ADAMTS3: variants seen among roughly 807,000 people sequenced by gnomAD.
ADAMTS3 encodes ADAM metallopeptidase with thrombospondin type 1 motif 3, also known as A disintegrin and metalloproteinase with thrombospondin motifs 3.
A neutral mutation model predicts 129.0 loss-of-function variants in ADAMTS3; 73 were observed. That is an observed-to-expected ratio of 0.57 (90% confidence interval 0.47 to 0.69). ADAMTS3 has a LOEUF of 0.69. Among genes scored for constraint, ADAMTS3 ranks in the 30% least tolerant of loss-of-function variants. The probability of loss-of-function intolerance (pLI) is 0.00; values close to 1 mark genes in which losing one functional copy is unlikely to be tolerated. For synonymous variants in ADAMTS3, 477 were observed against 510.8 expected (o/e 0.93, Z 0.89); for missense variants, 1,457 against 1,514.5 (o/e 0.96, Z 0.63).
intron 4 of ADAMTS3, among the ~76,000 whole-genome samples, chr4:72,413,709 T>C (rs1279910117): frequency 6.6e-6 from 1 of 151,952 alleles, no homozygotes; most frequent in African/African-American, 2.4e-5. Flanking sequence ...TCAGAGAGGT[T>C]AAGTACTAAT....
intron 3 of ADAMTS3, among the ~76,000 whole-genome samples, chr4:72,548,201 T>C (rs1011151256): frequency 4.6e-5 from 7 of 151,960 alleles, no homozygotes; most frequent in Non-Finnish European, 8.8e-5. Context: ...TCCAATGTAA[T>C]ACAAGGAAAA....
chr4:72,560,007 T>A (rs1436492722), intron 2 of ADAMTS3, among the ~76,000 whole-genome samples: 1 of 151,398 alleles, frequency 6.6e-6, no homozygotes, highest in Admixed American at 6.6e-5. Flanking sequence ...CACAGGCCAG[T>A]GGAACAGAAC....
intron 4 of ADAMTS3, among the ~76,000 whole-genome samples, chr4:72,390,242 G>C (rs1015149187): frequency 1.3e-5 from 2 of 152,102 alleles, no homozygotes; most frequent in Admixed American, 6.5e-5. Context: ...CATTACAAAA[G>C]ATTAACCATA....
At chr4:72,372,827 G>A (rs114822153) in intron 4 of ADAMTS3, among the ~76,000 whole-genome samples, 3,317 of 152,078 alleles carry the variant, frequency 0.022, 63 homozygotes, top group Non-Finnish European at 0.033. Flanking sequence ...ATAAATGGAA[G>A]GACACATAGT....
chr4:72,288,500 G>A lies in ADAMTS3; in HGVS notation c.3049+251C>T, dbSNP rs188371894. Among the ~76,000 whole-genome samples the A allele has an allele frequency of 4.7e-4, 72 of 152,258 alleles. No homozygotes were observed. In the East Asian group the frequency reaches 0.014, roughly 29 times the overall value. On this transcript the variant is annotated intron_variant, in intron 21 of 21. Transcript: ENST00000286657. The stretch of plus-strand genomic sequence containing the variant: ...AAATTGATAGACGTTACATATACAT[G>A]GCACAGCCCTCACTCCAATGCCACC...
At chr4:72,412,087 G>T (rs1367887170) in intron 4 of ADAMTS3, among the ~76,000 whole-genome samples, 1 of 152,076 alleles carries the variant, frequency 6.6e-6, no homozygotes, top group Non-Finnish European at 1.5e-5. Context: ...TATTACATGG[G>T]CCTTACTGAT....
At chr4:72,514,586 C>T (rs999677078) in intron 3 of ADAMTS3, among the ~76,000 whole-genome samples, 2 of 152,114 alleles carry the variant, frequency 1.3e-5, no homozygotes, top group African/African-American at 2.4e-5. Flanking sequence ...AGCTTTGCCA[C>T]GTACCTGCCT....
At chr4:72,424,159 A>G (rs1722515010) in intron 3 of ADAMTS3, among the ~76,000 whole-genome samples, 1 of 152,140 alleles carries the variant, frequency 6.6e-6, no homozygotes, top group Non-Finnish European at 1.5e-5. Context: ...TCATTCAATA[A>G]TAACCCTTCC....
intron 1 of ADAMTS3, 34 bp downstream of exon 1, chr4:72,568,660 G>A (rs547382922): frequency 6.9e-7 from 1 of 1,439,044 alleles, no homozygotes; most frequent in Non-Finnish European, 9.2e-7. Context: ...GGTTGGGTTT[G>A]AGTTTTTTTT....
Position 72,295,550 on chromosome 4 carries a change from C to G in ADAMTS3, c.2723+104G>C. The G allele has an allele frequency of 3.3e-6, 4 of 1,218,734 alleles. No individual in the cohort carries two copies. In the South Asian group the frequency reaches 6.7e-5, roughly 20 times the overall value. 75.5% of individuals were successfully genotyped at this position (1,218,734 alleles called of 1,614,324 possible). On this transcript the variant is annotated intron_variant, in intron 19 of 21. Coordinates refer to ENST00000286657, the MANE Select transcript of ADAMTS3 (RefSeq NM_014243.3). ...AGTGACTTGACTATTTAAACCATGT[C>G]TATATAGAGCTTTGACTGAAAATAA...
In ADAMTS3 at chr4:72,372,678, T is replaced by C. The variant is rs1050766654; in HGVS notation, c.662-32985A>G. On this transcript the variant is annotated intron_variant, in intron 4 of 21. Coordinates refer to ENST00000286657, the MANE Select transcript of ADAMTS3 (RefSeq NM_014243.3). ...AAATTTGCTTTTTATATGCTAGATA[T>C]AGAATTTTTTAAAAAAATATAATTC... Among the ~76,000 whole-genome samples, 8 of 152,004 alleles carry C rather than the reference T, an allele frequency of 5.3e-5. No homozygotes were observed. The South Asian group carries it at 6.2e-4, about 12-fold the overall frequency.
At position 72,322,209 on chromosome 4, in the gene ADAMTS3, C is replaced by T. The variant is rs939443256; in HGVS notation, c.945+805G>A. On this transcript the variant is annotated intron_variant, in intron 6 of 21. Coordinates refer to ENST00000286657, the MANE Select transcript of ADAMTS3 (RefSeq NM_014243.3). ...CAATATAAAATAGATTGATGACACT[C>T]TATCATTATAAAATGATAAGTGGAT... Among the ~76,000 whole-genome samples the T allele has an allele frequency of 3.3e-5, 5 of 152,214 alleles. No homozygotes were observed. The South Asian group carries it at 1.0e-3, about 32-fold the overall frequency.
intron 3 of ADAMTS3, among the ~76,000 whole-genome samples, chr4:72,516,001 A>G (rs1346715145): frequency 6.6e-6 from 1 of 152,086 alleles, no homozygotes; most frequent in Non-Finnish European, 1.5e-5. Context: ...TCCATCTTGA[A>G]TTAATTTTTG....
chr4:72,402,021 A>T (rs1308448710), intron 4 of ADAMTS3, among the ~76,000 whole-genome samples: 2 of 152,252 alleles, frequency 1.3e-5, no homozygotes, highest in African/African-American at 4.8e-5. Flanking sequence ...TGAAAACAGC[A>T]TCAAGGTAAT....
At chr4:72,515,604 T>C (rs1720447694) in intron 3 of ADAMTS3, among the ~76,000 whole-genome samples, 1 of 151,178 alleles carries the variant, frequency 6.6e-6, no homozygotes, top group South Asian at 2.1e-4. Context: ...GAGCATTTTT[T>C]CATGTGTCTT....
At chr4:72,455,855 T>C (rs1343461423) in intron 3 of ADAMTS3, among the ~76,000 whole-genome samples, 47 of 118,584 alleles carry the variant, frequency 4.0e-4, no homozygotes, top group African/African-American at 9.8e-4. Context: ...ATATATTTTA[T>C]ATATAGTATA....
At chr4:72,335,950 T>C (rs1454831959) in intron 5 of ADAMTS3, among the ~76,000 whole-genome samples, 3 of 152,194 alleles carry the variant, frequency 2.0e-5, no homozygotes, top group Non-Finnish European at 4.4e-5. Flanking sequence ...CGAGCTCTTT[T>C]CAATAAAGGA....
intron 2 of ADAMTS3, among the ~76,000 whole-genome samples, chr4:72,566,295 T>C (rs928622667): frequency 6.6e-6 from 1 of 152,202 alleles, no homozygotes; most frequent in Non-Finnish European, 1.5e-5. Context: ...GTTTCTTAGT[T>C]AACAAGTGTG....
chr4:72,408,782 T>C (rs1304383799), intron 4 of ADAMTS3, among the ~76,000 whole-genome samples: 1 of 151,212 alleles, frequency 6.6e-6, no homozygotes. Flanking sequence ...TGAGTTCATG[T>C]CCTTTGCAGG....
Sources: allele counts gnomAD v4.1 joint callset (sites outside exome capture counted in the v4.1 genomes callset), GRCh38; gene constraint gnomAD v4.1.1; transcripts MANE v1.5; gene names NCBI Gene and HGNC (gene_info 2026-07-23, HGNC 2026-07-21).